ASIP: variants seen among roughly 807,000 people sequenced by gnomAD.
The protein encoded by ASIP is agouti-signaling protein.
In ASIP, 11 loss-of-function variants were observed where a neutral mutation model predicts 10.3. The ratio of observed to expected loss-of-function variants is 1.07; its 90% CI spans 0.68 to 1.78. The LOEUF (loss-of-function observed/expected upper bound fraction) is 1.78, where lower values mean the gene tolerates loss of function less well. Ranked by LOEUF, ASIP falls within the 40% of genes most tolerant of loss-of-function variation. ASIP has a pLI of 0.00. For missense variants in ASIP, 180 were observed against 169.2 expected, an observed-to-expected ratio of 1.06 and a Z score of -0.35; for synonymous variants, 70 against 70.8, an observed-to-expected ratio of 0.99 and a Z score of 0.06.
At chr20:34,240,414 C>T (rs746625264), upstream of ASIP, among the ~76,000 whole-genome samples, 11 of 152,168 alleles carry the variant, frequency 7.2e-5, no homozygotes, top group Admixed American at 6.5e-4. Context: ...GATCAGCTTT[C>T]ACATAACCTT....
At chr20:34,250,109 C>G (rs2035449654) in intron 1 of ASIP, 1 of 152,282 alleles carries the variant, frequency 6.6e-6, no homozygotes, top group Non-Finnish European at 1.5e-5. Context: ...CAAGAACCCC[C>G]AGGTCTCTGG....
chr20:34,255,082 T>A (rs1244230024), intron 1 of ASIP, among the ~76,000 whole-genome samples: 3 of 152,178 alleles, frequency 2.0e-5, no homozygotes, highest in African/African-American at 7.2e-5. Context: ...TACATTAGGC[T>A]TATGGCTGCT....
chr20:34,233,848 G>C (rs2035143752), intron 1 of ASIP, among the ~76,000 whole-genome samples: 1 of 152,206 alleles, frequency 6.6e-6, no homozygotes, highest in Non-Finnish European at 1.5e-5. Context: ...CAACAGGAAT[G>C]AGATACCAGT....
chr20:34,245,777 C>T (rs2035364356), intron 1 of ASIP, among the ~76,000 whole-genome samples: 1 of 151,808 alleles, frequency 6.6e-6, no homozygotes, highest in Non-Finnish European at 1.5e-5. Flanking sequence ...ATTAAAAAAA[C>T]AAGCAACCTT....
At chr20:34,258,700 A>ATATATATATATATATATATATACATAC (rs1555826880) in intron 1 of ASIP, among the ~76,000 whole-genome samples, 4 of 77,916 alleles carry the variant, frequency 5.1e-5, no homozygotes, top group Non-Finnish European at 7.2e-5. Flanking sequence ...TACATACTAT[A>ATATATATATATATATATATATACATAC]TATATATATT....
At chr20:34,190,036 C>T (rs1216478362), upstream of ASIP, among the ~76,000 whole-genome samples, 1 of 152,218 alleles carries the variant, frequency 6.6e-6, no homozygotes, top group Non-Finnish European at 1.5e-5. Flanking sequence ...CCCGCAACAG[C>T]CTTTCTAACC....
intron 1 of ASIP, among the ~76,000 whole-genome samples, chr20:34,220,622 G>A (rs922365192): frequency 2.0e-5 from 3 of 151,534 alleles, no homozygotes; most frequent in Non-Finnish European, 4.4e-5. Context: ...GTAAGCACAA[G>A]GTGTCATGAG....
intron 1 of ASIP, among the ~76,000 whole-genome samples, chr20:34,216,807 T>C (rs1441560245): frequency 6.6e-6 from 1 of 152,248 alleles, no homozygotes; most frequent in Non-Finnish European, 1.5e-5. Flanking sequence ...TTGTGGCAAA[T>C]CTTGAACTTG....
chr20:34,200,300 G>C (rs541375116), intron 1 of ASIP, among the ~76,000 whole-genome samples: 5 of 152,226 alleles, frequency 3.3e-5, no homozygotes, highest in Admixed American at 2.6e-4. Context: ...TCTTCAACAG[G>C]ATGTAAAGCA....
At chr20:34,246,317 T>C in intron 1 of ASIP, 2 of 1,550,198 alleles carry the variant, frequency 1.3e-6, no homozygotes, top group Non-Finnish European at 1.7e-6. Flanking sequence ...TCCAGCTTCT[T>C]GTTTGGGTGA....
the ASIP span, among the ~76,000 whole-genome samples, chr20:34,186,507 G>T: frequency 6.6e-6 from 1 of 152,142 alleles, no homozygotes; most frequent in Non-Finnish European, 1.5e-5. Flanking sequence ...TACCAAAGTC[G>T]CTGGTAGCCT....
chr20:34,262,866 A>C lies in ASIP; in HGVS notation c.195A>C (p.Lys65Asn), dbSNP rs2035719094. 1 of 1,613,950 alleles carries C rather than the reference A, an allele frequency of 6.2e-7. No individual in the cohort carries two copies. Among genetic ancestry groups the C allele is most frequent in the Non-Finnish European group, 8.5e-7 (1 of 1,179,964 alleles). Reference sequence around the variant, plus strand: ...AGAAATCCAAACAGATCGGCAGAAAAGCAGCAGAAAAGAAAAGATCTTCTA... The same window carrying C: ...AGAAATCCAAACAGATCGGCAGAAACGCAGCAGAAAAGAAAAGATCTTCTA... ...LNKKSKQIGR[K>N]AAEKKRSSKK... The change falls in exon 3 of 4, where the codon AAA becomes AAC. Residue 65 changes from lysine to asparagine, a missense_variant. Transcript: ENST00000374954.
rs1377673361 is a variant in ASIP, at chr20:34,267,374, T to A, written c.223-1617T>A. On this transcript the variant is annotated intron_variant, in intron 3 of 3. Coordinates refer to ENST00000374954, the MANE Select transcript of ASIP (RefSeq NM_001672.3). ...AGTAACCTAGAGCAGCAGCGTCCAA[T>A]AGAAATACAATGTGAGGCCAGGCGC... Among the ~76,000 whole-genome samples, 5 of 133,642 alleles carry A rather than the reference T, an allele frequency of 3.7e-5. No individual in the cohort carries two copies. The Admixed American group carries it at 4.4e-4, about 12-fold the overall frequency. 87.7% of individuals were successfully genotyped at this position (133,642 alleles called of 152,430 possible).
At chr20:34,199,785 GA>G (rs771813474) in intron 1 of ASIP, among the ~76,000 whole-genome samples, 99 of 152,152 alleles carry the variant, frequency 6.5e-4, no homozygotes, top group Non-Finnish European at 1.2e-3. Context: ...TCAGGCAAAA[GA>G]AAAAATAAAA....
At chr20:34,258,769 A>T (rs1291338249) in intron 1 of ASIP, among the ~76,000 whole-genome samples, 4 of 96,324 alleles carry the variant, frequency 4.2e-5, no homozygotes, top group Non-Finnish European at 7.6e-5. Context: ...TGATATATAT[A>T]ATATATATAG....
intron 3 of ASIP, among the ~76,000 whole-genome samples, chr20:34,264,448 T>A (rs2035750660): frequency 6.6e-6 from 1 of 152,218 alleles, no homozygotes; most frequent in Non-Finnish European, 1.5e-5. Context: ...TATTTTTCAA[T>A]GTGTTTAATG....
intron 1 of ASIP, among the ~76,000 whole-genome samples, chr20:34,234,244 T>C (rs73269375): frequency 0.14 from 21,954 of 152,188 alleles, 5,416 homozygotes; most frequent in African/African-American, 0.5. Context: ...CCAGGGCTCA[T>C]GACCCAAAGT....
intron 1 of ASIP, among the ~76,000 whole-genome samples, chr20:34,202,958 G>T (rs1008238084): frequency 4.0e-4 from 61 of 151,834 alleles, no homozygotes; most frequent in African/African-American, 1.4e-3. Flanking sequence ...ACAGGCGCCC[G>T]CCACTACGCC....
chr20:34,200,999 TCCTTCCTTCCTTCCTTCCTTC>T (rs2034891023), intron 1 of ASIP, among the ~76,000 whole-genome samples: 1 of 65,202 alleles, frequency 1.5e-5, no homozygotes, highest in African/African-American at 1.6e-4. Flanking sequence ...CTTCCTTCCT[TCCTTCCTTCCTTCCTTCCTTC>T]TTTCTTTCTT....
Sources: gnomAD v4.1 joint callset for allele counts (sites outside exome capture counted in the v4.1 genomes callset) on GRCh38, gnomAD v4.1.1 for gene constraint, MANE v1.5 for transcripts, NCBI Gene and HGNC (gene_info 2026-07-23, HGNC 2026-07-21) for gene names.